The following CHIC1 variants were observed in gnomAD, a reference collection of about 807,000 sequenced individuals.
The protein encoded by CHIC1 is cysteine-rich hydrophobic domain-containing protein 1.
In CHIC1, 7 loss-of-function variants were observed where a neutral mutation model predicts 18.5. That is an observed-to-expected ratio of 0.38 (90% CI 0.22 to 0.71). The LOEUF is 0.71. Among genes scored for constraint, CHIC1 ranks in the 30% least tolerant of loss-of-function variants. The probability of loss-of-function intolerance (pLI) is 0.49; values close to 1 mark genes in which losing one functional copy is unlikely to be tolerated. For synonymous variants in CHIC1, 77 were observed against 73.5 expected (o/e 1.05, Z -0.25); for missense variants, 159 against 176.9 (o/e 0.90, Z 0.57).
chrX:73,646,220 T>C (rs1185364476), intron 3 of CHIC1, among the ~76,000 whole-genome samples: 1 of 111,601 alleles, frequency 9.0e-6, no homozygotes, highest in African/African-American at 3.3e-5. Flanking sequence ...TAAACATAGG[T>C]TTATTTCTGG....
intron 3 of CHIC1, among the ~76,000 whole-genome samples, chrX:73,675,348 A>T (rs751482000): frequency 7.4e-4 from 83 of 111,451 alleles, no homozygotes; most frequent in Admixed American, 1.7e-3. Flanking sequence ...GTCTCCCATT[A>T]TTATTGTCTG....
intron 3 of CHIC1, among the ~76,000 whole-genome samples, chrX:73,597,395 A>G (rs2057615093): frequency 9.1e-6 from 1 of 110,171 alleles, no homozygotes; most frequent in African/African-American, 3.3e-5. Context: ...CTTATCAAAT[A>G]TATAATTTAC....
At chrX:73,573,647 A>G (rs2057481976) in intron 1 of CHIC1, among the ~76,000 whole-genome samples, 2 of 110,913 alleles carry the variant, frequency 1.8e-5, no homozygotes, top group Admixed American at 1.9e-4. Flanking sequence ...CTCCTTGGTT[A>G]GATGTATTCC....
chrX:73,614,982 A>C (rs994447518), intron 3 of CHIC1, among the ~76,000 whole-genome samples: 2 of 111,433 alleles, frequency 1.8e-5, no homozygotes, highest in African/African-American at 6.5e-5. Context: ...GTATGTATGC[A>C]TCTGATATAA....
intron 3 of CHIC1, among the ~76,000 whole-genome samples, chrX:73,675,777 A>T (rs2058058678): frequency 9.0e-6 from 1 of 110,740 alleles, no homozygotes; most frequent in Admixed American, 9.6e-5. Context: ...TGTCGTTATG[A>T]TGTTAGCTGG....
At chrX:73,615,225 T>A (rs2057726966) in intron 3 of CHIC1, among the ~76,000 whole-genome samples, 1 of 111,385 alleles carries the variant, frequency 9.0e-6, no homozygotes, top group African/African-American at 3.3e-5. Flanking sequence ...ATGACAACAC[T>A]ATGTAAGCCT....
intron 3 of CHIC1, among the ~76,000 whole-genome samples, chrX:73,608,486 G>T (rs1356720308): frequency 2.8e-5 from 3 of 107,779 alleles, no homozygotes; most frequent in Admixed American, 1.9e-4. Context: ...ATTTTTCGGG[G>T]GTAGTATTGT....
rs1420579729 is a variant in CHIC1 at position 73,610,387 on chromosome X, G to A, written c.507+25815G>A. Among the ~76,000 whole-genome samples, 4 of 107,092 alleles carry A rather than the reference G, an allele frequency of 3.7e-5. 1 individual carries two copies. Among genetic ancestry groups the A allele is most frequent in the South Asian group, 4.0e-4 (1 of 2,524 alleles). 93.0% of individuals were successfully genotyped at this position (107,092 alleles called of 115,157 possible). A position where few individuals can be genotyped will look rare whatever the true frequency, so the allele number is the denominator to read the frequency against. ...CCCACCGTGCTTCTGCTCGCTCTCC[G>A]TGGGTTGCACCCACTGACTAACCAT... is the stretch of plus-strand genomic sequence containing the variant. On this transcript the variant is annotated intron_variant, in intron 3 of 5. Transcript: ENST00000373502.
rs768775923 is a variant in CHIC1 at position 73,589,640 on chromosome X, C to A, written c.507+5068C>A. 4.5e-5 allele frequency among the ~76,000 whole-genome samples: 5 copies of A among 110,887 alleles called. No homozygotes were observed. In the Admixed American group the frequency reaches 4.8e-4, roughly 11 times the overall value. The stretch of plus-strand genomic sequence containing the variant: ...AATCATACGGGAAAAAGAGTTCCAA[C>A]CCAAAAATACAATATTGGCTTTTAA... On this transcript the variant is annotated intron_variant, in intron 3 of 5. Transcript: ENST00000373502.
Position 73,678,836 on chromosome X carries a change from C to G in CHIC1, c.508-490C>G, listed in dbSNP as rs1458109068. 8.1e-5 allele frequency among the ~76,000 whole-genome samples: 9 copies of G among 111,285 alleles called. No individual in the cohort carries two copies. The East Asian group carries it at 2.0e-3, about 24-fold the overall frequency. On this transcript the variant is annotated intron_variant, in intron 3 of 5. Coordinates refer to ENST00000373502, the MANE Select transcript of CHIC1 (RefSeq NM_001039840.4). ...TATATGTTGGCTTTCTTTATTCAGC[C>G]TATAGACCTTGACTGAATGCTATAT...
At chrX:73,574,367 G>A (rs889266189) in intron 1 of CHIC1, among the ~76,000 whole-genome samples, 5 of 110,505 alleles carry the variant, frequency 4.5e-5, no homozygotes, top group African/African-American at 1.3e-4. Flanking sequence ...ATGTTCGTCA[G>A]GGATATGGAC....
intron 3 of CHIC1, among the ~76,000 whole-genome samples, chrX:73,672,464 A>C (rs1286300348): frequency 8.9e-6 from 1 of 111,887 alleles, no homozygotes; most frequent in African/African-American, 3.3e-5. Context: ...CACCATTCTA[A>C]CTGGTGTGAG....
chrX:73,601,513 G>A lies in CHIC1; in HGVS notation c.507+16941G>A, dbSNP rs933982890. On this transcript the variant is annotated intron_variant, in intron 3 of 5. Transcript: ENST00000373502. ...AATAAAGATGTTCTTTGAAACCAAC[G>A]AGAACAAAGACACAACATACCAGAA... 4.2e-4 allele frequency among the ~76,000 whole-genome samples: 45 copies of A among 106,546 alleles called. 3 individuals carry two copies. The highest frequency in any genetic ancestry group is 3.7e-3 in the Admixed American group (37 of 10,046). 92.5% of individuals were successfully genotyped at this position (106,546 alleles called of 115,157 possible). A position where few individuals can be genotyped will look rare whatever the true frequency, so the allele number is the denominator to read the frequency against.
chrX:73,636,018 C>T (rs1459183619), intron 3 of CHIC1, among the ~76,000 whole-genome samples: 3 of 111,351 alleles, frequency 2.7e-5, no homozygotes, highest in Non-Finnish European at 5.6e-5. Context: ...GTATTTGCTT[C>T]ATATGGTTAG....
chrX:73,635,417 T>C (rs1390448350), intron 3 of CHIC1, among the ~76,000 whole-genome samples: 2 of 112,146 alleles, frequency 1.8e-5, no homozygotes, highest in Non-Finnish European at 3.8e-5. Flanking sequence ...CTTTCAATTT[T>C]TGGAAGAGTT....
At chrX:73,622,923 T>C (rs953335764) in intron 3 of CHIC1, among the ~76,000 whole-genome samples, 1 of 112,171 alleles carries the variant, frequency 8.9e-6, no homozygotes, top group African/African-American at 3.2e-5. Flanking sequence ...CTTACTTATT[T>C]CTACATTAAT....
chrX:73,614,729 G>T, intron 3 of CHIC1, among the ~76,000 whole-genome samples: 1 of 108,909 alleles, frequency 9.2e-6, no homozygotes, highest in African/African-American at 3.3e-5. Flanking sequence ...TCTTTTTTAT[G>T]GTATCTATCT....
chrX:73,570,530 G>A (rs2057465643), intron 1 of CHIC1, among the ~76,000 whole-genome samples: 1 of 111,053 alleles, frequency 9.0e-6, no homozygotes. Flanking sequence ...TGATAGAAAT[G>A]AATTTGAAAG....
intron 2 of CHIC1, among the ~76,000 whole-genome samples, chrX:73,582,906 A>T (rs2057534439): frequency 9.0e-6 from 1 of 110,741 alleles, no homozygotes; most frequent in African/African-American, 3.3e-5. Flanking sequence ...GTCTTAGTTT[A>T]ATGTGCTTAG....
Sources: allele counts gnomAD v4.1 joint callset (sites outside exome capture counted in the v4.1 genomes callset), GRCh38; gene constraint gnomAD v4.1.1; transcripts MANE v1.5; gene names NCBI Gene and HGNC (gene_info 2026-07-23, HGNC 2026-07-21).